Variants in PCDHA2 observed in about 807,000 individuals in gnomAD.
PCDHA2 encodes the protein protocadherin alpha-2.
In PCDHA2, 58 loss-of-function variants were observed where a neutral mutation model predicts 66.0. The ratio of observed to expected loss-of-function variants is 0.88; its 90% CI spans 0.71 to 1.09. The LOEUF is 1.09. Among genes scored for constraint, PCDHA2 ranks in the 50% least tolerant of loss-of-function variants. PCDHA2 has a pLI of 0.00. For synonymous variants in PCDHA2, 634 were observed against 554.0 expected (o/e 1.14, Z -2.03); for missense variants, 1,267 against 1,242.3 (o/e 1.02, Z -0.30).
At chr5:140,855,964 T>C in intron 1 of PCDHA2, 3 of 1,408,442 alleles carry the variant, frequency 2.1e-6, no homozygotes, top group Admixed American at 2.3e-5. Context: ...AAAAAATAGA[T>C]ATAAGAAATA....
chr5:140,936,744 T>A (rs1204618787), intron 1 of PCDHA2, among the ~76,000 whole-genome samples: 5 of 152,216 alleles, frequency 3.3e-5, no homozygotes, highest in Non-Finnish European at 5.9e-5. Context: ...AACTTTTCAT[T>A]TGTATTGATA....
At chr5:140,841,846 T>C (rs2150323998) in intron 1 of PCDHA2, 5 of 1,613,898 alleles carry the variant, frequency 3.1e-6, no homozygotes, top group Non-Finnish European at 4.2e-6. Context: ...TTAGCTCTCA[T>C]GATTACTTCA....
intron 1 of PCDHA2, among the ~76,000 whole-genome samples, chr5:140,833,911 A>T (rs1554134000): frequency 6.6e-6 from 1 of 152,184 alleles, no homozygotes; most frequent in African/African-American, 2.4e-5. Flanking sequence ...TTAAACTTGC[A>T]GTTGTTTAAA....
At chr5:140,928,388 C>T in intron 1 of PCDHA2, 1 of 1,614,012 alleles carries the variant, frequency 6.2e-7, no homozygotes, top group Non-Finnish European at 8.5e-7. Flanking sequence ...AGCTTGCTGG[C>T]AGTGGAATCA....
intron 1 of PCDHA2, among the ~76,000 whole-genome samples, chr5:140,905,419 C>T (rs2071826794): frequency 6.6e-6 from 1 of 152,158 alleles, no homozygotes; most frequent in South Asian, 2.1e-4. Flanking sequence ...CAGTACCATG[C>T]TGGTTTGATA....
At chr5:140,836,046 G>A (rs2150251403) in intron 1 of PCDHA2, 3 of 1,613,572 alleles carry the variant, frequency 1.9e-6, no homozygotes, top group Admixed American at 1.7e-5. Context: ...GCAGGTGTTC[G>A]TGCTGGACGA....
At chr5:140,823,074 G>T (rs2150121971) in intron 1 of PCDHA2, 5 of 1,613,698 alleles carry the variant, frequency 3.1e-6, no homozygotes, top group South Asian at 1.1e-5. Flanking sequence ...GCTCGCCTTC[G>T]CTGTGGGCCA....
intron 1 of PCDHA2, chr5:140,927,861 C>T (rs782305822): frequency 1.2e-6 from 2 of 1,614,042 alleles, no homozygotes; most frequent in East Asian, 2.2e-5. Context: ...TAGCTAGCAC[C>T]GCTAAACTGC....
rs939986849 is a variant in PCDHA2, at chr5:140,871,330, G to T, written c.2388+73978G>T. 10 of 1,613,998 alleles carry T rather than the reference G, an allele frequency of 6.2e-6. No homozygotes were observed. Among genetic ancestry groups the T allele is most frequent in the Non-Finnish European group, 8.5e-6 (10 of 1,180,034 alleles). On this transcript the variant is annotated intron_variant, in intron 1 of 3. Transcript: ENST00000526136. The stretch of plus-strand genomic sequence containing the variant: ...GAAGCCCACGCTGGTGTGCTCCCGC[G>T]CGGTGGGGAGCTGGTCATACTCGCA...
chr5:140,834,507 G>A (rs139562115), intron 1 of PCDHA2: 2 of 1,614,136 alleles, frequency 1.2e-6, no homozygotes, highest in South Asian at 1.1e-5. Flanking sequence ...GGCTAAACAT[G>A]GCAACTTCGT....
intron 1 of PCDHA2, among the ~76,000 whole-genome samples, chr5:140,900,556 C>T (rs757442954): frequency 4.6e-5 from 7 of 152,168 alleles, no homozygotes; most frequent in Non-Finnish European, 5.9e-5. Flanking sequence ...GGATTACAGG[C>T]GTGAGCCACG....
intron 1 of PCDHA2, chr5:140,808,297 C>T (rs1764140605): frequency 1.2e-6 from 2 of 1,614,254 alleles, no homozygotes; most frequent in Non-Finnish European, 8.5e-7. Flanking sequence ...CAGTCATCGC[C>T]CTGATCAGCG....
At chr5:140,909,170 G>A (rs1381735874) in intron 1 of PCDHA2, among the ~76,000 whole-genome samples, 1 of 152,188 alleles carries the variant, frequency 6.6e-6, no homozygotes, top group Non-Finnish European at 1.5e-5. Flanking sequence ...AATCAATCAA[G>A]TTCTCTCCAA....
chr5:140,930,321 T>C (rs1166503889), intron 1 of PCDHA2: 7 of 152,186 alleles, frequency 4.6e-5, no homozygotes, highest in Non-Finnish European at 1.0e-4. Flanking sequence ...TTGAGAGTAA[T>C]GTATCTAATG....
At chr5:140,821,786 C>A in intron 1 of PCDHA2, 1 of 1,611,088 alleles carries the variant, frequency 6.2e-7, no homozygotes, top group Non-Finnish European at 8.5e-7. Flanking sequence ...ATGGTATATT[C>A]CCGGAGAGGA....
Position 140,862,663 on chromosome 5 carries a change from G to A in PCDHA2, c.2388+65311G>A, listed in dbSNP as rs1181876695. ...CACAGTGTCCGCGCGGGACCGGGAC[G>A]CGCAGGAGAACGTGCTGGTGTCCTA... On this transcript the variant is annotated intron_variant, in intron 1 of 3. Coordinates refer to ENST00000526136, the MANE Select transcript of PCDHA2 (RefSeq NM_018905.3). The A allele has an allele frequency of 1.5e-5, 8 of 547,042 alleles. No individual in the cohort carries two copies. In the East Asian group the frequency reaches 4.0e-4, roughly 27 times the overall value. The allele number at this position is 547,042 out of a possible 1,614,324, so 33.9% of individuals were successfully genotyped here.
At chr5:140,966,777 C>T (rs1554228636) in intron 1 of PCDHA2, 2 of 1,510,822 alleles carry the variant, frequency 1.3e-6, no homozygotes, top group Non-Finnish European at 1.8e-6. Context: ...ATGGAGCAGG[C>T]GGGCACCAGA....
chr5:140,969,046 C>A, intron 1 of PCDHA2: 5 of 1,614,074 alleles, frequency 3.1e-6, no homozygotes, highest in Non-Finnish European at 4.2e-6. Flanking sequence ...ACAAACAAGC[C>A]AACAACAATA....
chr5:140,823,556 G>A (rs2150126875), intron 1 of PCDHA2: 5 of 1,613,888 alleles, frequency 3.1e-6, no homozygotes, highest in Non-Finnish European at 3.4e-6. Context: ...GCGAAGGTGC[G>A]CGCAGTGGAC....
Sources: gnomAD v4.1 joint callset for allele counts (sites outside exome capture counted in the v4.1 genomes callset) on GRCh38, gnomAD v4.1.1 for gene constraint, MANE v1.5 for transcripts, NCBI Gene and HGNC (gene_info 2026-07-23, HGNC 2026-07-21) for gene names.